Variants in TBRG1 observed in about 807,000 individuals in gnomAD.
TBRG1 encodes nuclear interactor of ARF and MDM2.
In TBRG1, 31 loss-of-function variants were observed where a neutral mutation model predicts 44.0. That is an observed-to-expected ratio of 0.70 (90% CI 0.53 to 0.95). The LOEUF (loss-of-function observed/expected upper bound fraction) is 0.95. Ranked by LOEUF, TBRG1 falls within the 40% of genes least tolerant of loss-of-function variation. The pLI is 0.00. For synonymous variants in TBRG1, 171 were observed against 188.1 expected (o/e 0.91, Z 0.74); for missense variants, 487 against 496.1 (o/e 0.98, Z 0.18).
intron 1 of TBRG1, 58 bp downstream of exon 1, chr11:124,623,291 C>T: frequency 1.3e-6 from 2 of 1,537,190 alleles, no homozygotes; most frequent in Non-Finnish European, 1.8e-6. Context: ...CAAAATCTTT[C>T]CCCAAGCTGT....
At chr11:124,629,698 A>G (rs1942567586) in intron 5 of TBRG1, among the ~76,000 whole-genome samples, 1 of 152,214 alleles carries the variant, frequency 6.6e-6, no homozygotes, top group Non-Finnish European at 1.5e-5. Context: ...GTTCAGGATA[A>G]TTTGACTGAA....
Position 124,631,361 on chromosome 11 carries a change from T to C in TBRG1, c.1034T>C (p.Phe345Ser). 6.2e-7 allele frequency: 1 copy of C among 1,613,962 alleles called. No individual in the cohort carries two copies. The highest frequency in any genetic ancestry group is 8.5e-7 in the Non-Finnish European group (1 of 1,179,826). Residue 345 changes from phenylalanine to serine, a missense_variant, in exon 8 of 9, where the codon TTT (phenylalanine) becomes TCT (serine). Physicochemically the swap from Phe to Ser is radical, Grantham distance 155. Coordinates refer to ENST00000441174, the MANE Select transcript of TBRG1 (RefSeq NM_032811.3). ...GLPENDAAMS[F>S]EAFQRQIFDE... ...CCGGAGAATGATGCAGCTATGAGCT[T>C]TGAAGCCTTTCAGAGACAGATCTTT...
chr11:124,630,460 CT>C lies in TBRG1; in HGVS notation c.812del (p.Leu271ArgfsTer5). The C allele has an allele frequency of 1.2e-6, 2 of 1,613,148 alleles. No individual in the cohort carries two copies. The highest frequency in any genetic ancestry group is 1.7e-6 in the Non-Finnish European group (2 of 1,179,082). ...TTCTGCAGATGCTTGTCATGCAGAA[CT>C]GCTCAGGACTATAAGCACTACTATG... ...SSSADACHAE[L>X]LRTISTTMGK... is the part of the protein sequence containing the mutation. On this transcript the variant is annotated frameshift_variant, in exon 6 of 9. Transcript: ENST00000441174. LOFTEE classifies it high-confidence loss of function.
chr11:124,624,543 A>G (rs1942413552), intron 1 of TBRG1, among the ~76,000 whole-genome samples: 1 of 152,120 alleles, frequency 6.6e-6, no homozygotes, highest in Non-Finnish European at 1.5e-5. Context: ...CAGTTTTCAT[A>G]TTTATAGTAT....
chr11:124,624,598 G>A (rs1267356736), intron 1 of TBRG1, among the ~76,000 whole-genome samples: 2 of 151,970 alleles, frequency 1.3e-5, no homozygotes, highest in Non-Finnish European at 2.9e-5. Context: ...CTTTTTCTTT[G>A]CCAAAGGCTA....
intron 2 of TBRG1, among the ~76,000 whole-genome samples, chr11:124,625,454 C>G (rs1262688956): frequency 6.6e-6 from 1 of 152,210 alleles, no homozygotes; most frequent in Non-Finnish European, 1.5e-5. Flanking sequence ...GAGGAACCGT[C>G]CAGATGCAAG....
chr11:124,628,090 T>A (rs1357392625), intron 5 of TBRG1, among the ~76,000 whole-genome samples: 10 of 79,288 alleles, frequency 1.3e-4, no homozygotes, highest in African/African-American at 6.4e-4. Flanking sequence ...TATATATATA[T>A]ATATATATAT....
chr11:124,635,285 G>T lies in TBRG1; in HGVS notation c.*3047G>T, dbSNP rs917685623. 1 of 152,230 alleles carries T rather than the reference G, an allele frequency of 6.6e-6. No homozygotes were observed. The highest frequency in any genetic ancestry group is 1.5e-5 in the Non-Finnish European group (1 of 68,044). 9.4% of individuals were successfully genotyped at this position (152,230 alleles called of 1,614,324 possible). On this transcript the variant is annotated 3_prime_UTR_variant, in exon 9 of 9. Transcript: ENST00000441174. ...TGAGAGGTCAAAGCATGGGCAATAGGGGTTAACTGAACGAGTTGAATGCTA... is the reference window on the plus strand; with the variant it reads ...TGAGAGGTCAAAGCATGGGCAATAGTGGTTAACTGAACGAGTTGAATGCTA...
chr11:124,627,060 CTAATAATAACCACTG>C lies in TBRG1; in HGVS notation c.738+12_738+26del. 1 of 1,496,932 alleles carries C rather than the reference CTAATAATAACCACTG, an allele frequency of 6.7e-7. No individual in the cohort carries two copies. Among genetic ancestry groups the C allele is most frequent in the East Asian group, 2.5e-5 (1 of 40,680 alleles). The allele number at this position is 1,496,932 out of a possible 1,614,324, so 92.7% of individuals were successfully genotyped here. A position where few individuals can be genotyped will look rare whatever the true frequency, so the allele number is the denominator to read the frequency against. ...TGGTGTGCAGCCTCAGGTACCCCCT[CTAATAATAACCACTG>C]TTTGTCTTTAGAACCTTCTCTGTGC... On this transcript the variant is annotated intron_variant, in intron 5 of 8. Transcript: ENST00000441174.
At position 124,623,205 on chromosome 11, in the gene TBRG1, T is replaced by A. The variant is rs988921685; in HGVS notation, c.122T>A (p.Leu41Gln). 1.9e-6 allele frequency: 3 copies of A among 1,551,534 alleles called. No homozygotes were observed. Among genetic ancestry groups the A allele is most frequent in the African/African-American group, 2.7e-5 (2 of 73,076 alleles). ...NEKYRLKYLR[L>Q]RKAAKATVFE... ...AAGTACCGGCTGAAGTACCTGCGGC[T>A]GCGCAAAGCGGCCAAGGCCACGGTG... Residue 41 changes from leucine (L) to glutamine (Q), a missense_variant, in exon 1 of 9, where the codon CTG becomes CAG. Coordinates refer to ENST00000441174, the MANE Select transcript of TBRG1 (RefSeq NM_032811.3).
chr11:124,634,726 A>C lies in TBRG1; in HGVS notation c.*2488A>C, dbSNP rs561992720. ...CCACAAACTGAAACACTCTAAATCT[A>C]TATTCTATTATTTACATAAGAAAAT... On this transcript the variant is annotated 3_prime_UTR_variant, in exon 9 of 9. Transcript: ENST00000441174. 2 of 152,334 alleles carry C rather than the reference A, an allele frequency of 1.3e-5. No homozygotes were observed. The highest frequency in any genetic ancestry group is 3.9e-4 in the East Asian group (2 of 5,190). 9.4% of individuals were successfully genotyped at this position (152,334 alleles called of 1,614,324 possible). A position where few individuals can be genotyped will look rare whatever the true frequency, so the allele number is the denominator to read the frequency against.
At chr11:124,628,108 T>C (rs1220463525) in intron 5 of TBRG1, among the ~76,000 whole-genome samples, 86 of 52,388 alleles carry the variant, frequency 1.6e-3, no homozygotes, top group African/African-American at 8.7e-3. Flanking sequence ...TATATATATA[T>C]ATATATATAC....
Position 124,625,824 on chromosome 11 carries a change from C to T in TBRG1, c.375C>T (p.Ser125=). Residue 125 remains serine, a synonymous_variant, in exon 3 of 9, where the codon AGC becomes AGT. Transcript: ENST00000441174. The part of the protein sequence containing the change: ...IQGAGPISGP[S]TGAEEPFGKK... ...GAGCTGGGCCTATTTCAGGGCCCAG[C>T]ACTGGGGCTGAGGAACCATTTGGGA... is the stretch of plus-strand genomic sequence containing the variant. 1 of 1,582,796 alleles carries T rather than the reference C, an allele frequency of 6.3e-7. No homozygotes were observed. The highest frequency in any genetic ancestry group is 8.6e-7 in the Non-Finnish European group (1 of 1,164,580).
Position 124,630,827 on chromosome 11 carries a change from A to C in TBRG1, c.919A>C (p.Ser307Arg), listed in dbSNP as rs550717913. 1 of 1,603,298 alleles carries C rather than the reference A, an allele frequency of 6.2e-7. No homozygotes were observed. Among genetic ancestry groups the C allele is most frequent in the South Asian group, 1.1e-5 (1 of 88,560 alleles). ...TCCAGCCATCCACAACCTGATCCAG[A>C]GCTGTCCAGGAGCTCGAAAATGCAT... ...SHPAIHNLIQ[S>R]CPGARKCINY... Residue 307 changes from serine (S) to arginine (R), a missense_variant, in exon 7 of 9, where the codon AGC becomes CGC. Ser to Arg is a moderately radical substitution (Grantham distance 110). Coordinates refer to ENST00000441174, the MANE Select transcript of TBRG1 (RefSeq NM_032811.3).
In TBRG1 at chr11:124,632,271, T is replaced by G; in HGVS notation, c.*33T>G. 1 of 1,599,996 alleles carries G rather than the reference T, an allele frequency of 6.3e-7. No homozygotes were observed. The highest frequency in any genetic ancestry group is 1.3e-5 in the African/African-American group (1 of 74,464). On this transcript the variant is annotated 3_prime_UTR_variant, in exon 9 of 9. Transcript: ENST00000441174. ...GGGATCAGATGCCACATCGTTTTTG[T>G]CGTGATTAATTTAACTTAAACTAAA...
Position 124,623,038 on chromosome 11 carries a change from A to G in TBRG1, c.-46A>G. The stretch of plus-strand genomic sequence containing the variant: ...GCTCCCGCCCGCTCCCCGACTTAGG[A>G]TCCGATGCCGGCAGCGTCCTGGGGC... On this transcript the variant is annotated 5_prime_UTR_variant, in exon 1 of 9. Transcript: ENST00000441174. The G allele has an allele frequency of 6.7e-7, 1 of 1,493,652 alleles. No individual in the cohort carries two copies. Among genetic ancestry groups the G allele is most frequent in the Non-Finnish European group, 8.9e-7 (1 of 1,123,424 alleles). 92.5% of individuals were successfully genotyped at this position (1,493,652 alleles called of 1,614,324 possible).
Position 124,626,346 on chromosome 11 carries a change from T to C in TBRG1, c.455-127T>C, listed in dbSNP as rs1392933136. 5 of 871,676 alleles carry C rather than the reference T, an allele frequency of 5.7e-6. No homozygotes were observed. In the East Asian group the frequency reaches 1.3e-4, roughly 23 times the overall value. 54.0% of individuals were successfully genotyped at this position (871,676 alleles called of 1,614,324 possible). On this transcript the variant is annotated intron_variant, in intron 3 of 8. Transcript: ENST00000441174. The stretch of plus-strand genomic sequence containing the variant: ...CTCAGGGCTTTGGGCGAAAGCCCCA[T>C]ATGCCCATTCAGTAAGTATATAAAA...
chr11:124,625,036 TTTTGGTGATTGA>T (rs1244613079), intron 2 of TBRG1, 35 bp downstream of exon 2: 2 of 1,400,876 alleles, frequency 1.4e-6, no homozygotes, highest in Non-Finnish European at 2.0e-6. Flanking sequence ...AGCATCACCT[TTTTGGTGATTGA>T]TTTGGTGATT....
rs1315789496 is a variant in TBRG1, at chr11:124,633,471, T to C, written c.*1233T>C. 1 of 152,248 alleles carries C rather than the reference T, an allele frequency of 6.6e-6. No homozygotes were observed. The highest frequency in any genetic ancestry group is 2.4e-5 in the African/African-American group (1 of 41,444). 9.4% of individuals were successfully genotyped at this position (152,248 alleles called of 1,614,324 possible). A position where few individuals can be genotyped will look rare whatever the true frequency, so the allele number is the denominator to read the frequency against. On this transcript the variant is annotated 3_prime_UTR_variant, in exon 9 of 9. Transcript: ENST00000441174. ...AAGAATGGGGATGGAGTGGTGAGAA[T>C]TGAATGGTTAATGCACTGCCATTCA...
Sources: allele counts gnomAD v4.1 joint callset (sites outside exome capture counted in the v4.1 genomes callset), GRCh38; gene constraint gnomAD v4.1.1; transcripts MANE v1.5; gene names NCBI Gene and HGNC (gene_info 2026-07-23, HGNC 2026-07-21).